EP300: variants seen among roughly 807,000 people sequenced by gnomAD.
EP300 encodes the protein EP300 lysine acetyltransferase.
In EP300, 31 loss-of-function variants were observed where a neutral mutation model predicts 264.0. That is an observed-to-expected ratio of 0.12 (90% confidence interval 0.09 to 0.16). The LOEUF (loss-of-function observed/expected upper bound fraction) is 0.16. Ranked by LOEUF, EP300 falls within the 10% of genes least tolerant of loss-of-function variation. EP300 has a pLI of 1.00. For synonymous variants in EP300, 1,340 were observed against 1,045.4 expected, an observed-to-expected ratio of 1.28 and a Z score of -5.44; for missense variants, 2,766 against 3,052.9, an observed-to-expected ratio of 0.91 and a Z score of 2.21.
intron 8 of EP300, among the ~76,000 whole-genome samples, chr22:41,138,684 C>G (rs907286705): frequency 9.2e-5 from 14 of 152,140 alleles, no homozygotes; most frequent in African/African-American, 3.4e-4. Context: ...AAAGGTAGAG[C>G]TTGGACCTTG....
rs190744666 is a variant in EP300, at chr22:41,131,920, G to A, written c.1528+287G>A. 2.2e-4 allele frequency among the ~76,000 whole-genome samples: 34 copies of A among 151,884 alleles called. No individual in the cohort carries two copies. In the East Asian group the frequency reaches 4.7e-3, roughly 21 times the overall value. ...TTGATTAATACTGTGTAGACGGGCC[G>A]GGCATGGTGGCTAACACCTGTAATC... On this transcript the variant is annotated intron_variant, in intron 6 of 30. Coordinates refer to ENST00000263253, the MANE Select transcript of EP300 (RefSeq NM_001429.4).
chr22:41,148,825 G>A (rs915061864), intron 12 of EP300: 1 of 610,546 alleles, frequency 1.6e-6, no homozygotes, highest in African/African-American at 1.9e-5. Context: ...GTAGGCCTAG[G>A]TAAACTGTGA....
At chr22:41,102,878 GAC>G (rs1405878178) in intron 1 of EP300, among the ~76,000 whole-genome samples, 1 of 152,062 alleles carries the variant, frequency 6.6e-6, no homozygotes, top group East Asian at 1.9e-4. Flanking sequence ...TTTATTTTGA[GAC>G]AATCTCTGAC....
At chr22:41,146,956 A>C in intron 11 of EP300, 140 bp downstream of exon 11, 1 of 770,042 alleles carries the variant, frequency 1.3e-6, no homozygotes, top group Non-Finnish European at 2.2e-6. Flanking sequence ...GGTGAAGAGC[A>C]GGTTGGCTGG....
At chr22:41,147,811 A>G in intron 11 of EP300, 26 bp from the exon 12 acceptor site, 1 of 1,426,804 alleles carries the variant, frequency 7.0e-7, no homozygotes, top group Non-Finnish European at 9.9e-7. Context: ...AGGCATTCAG[A>G]TCTAACATTT....
intron 22 of EP300, among the ~76,000 whole-genome samples, chr22:41,164,643 A>AG (rs2059125208): frequency 6.6e-6 from 1 of 152,180 alleles, no homozygotes; most frequent in Non-Finnish European, 1.5e-5. Context: ...TGAACCTGTG[A>AG]GGGGGAGGTT....
chr22:41,140,933 T>C (rs1373126277), intron 9 of EP300, 115 bp from the exon 10 acceptor site: 2 of 1,031,834 alleles, frequency 1.9e-6, no homozygotes, highest in Admixed American at 2.4e-5. Context: ...TGGCACCAGT[T>C]CTTAATGCAG....
intron 29 of EP300, among the ~76,000 whole-genome samples, chr22:41,175,381 T>TCCCC (rs2059194598): frequency 6.6e-6 from 1 of 152,252 alleles, no homozygotes; most frequent in African/African-American, 2.4e-5. Flanking sequence ...ATTTTATTAC[T>TCCCC]TTAATAGGTG....
At chr22:41,150,577 C>T (rs1251890938) in intron 14 of EP300, among the ~76,000 whole-genome samples, 3 of 151,852 alleles carry the variant, frequency 2.0e-5, no homozygotes, top group African/African-American at 7.3e-5. Context: ...GCCATAAAAC[C>T]TAGAGATTGA....
At chr22:41,126,900 A>G (rs993422664) in intron 3 of EP300, among the ~76,000 whole-genome samples, 5 of 151,486 alleles carry the variant, frequency 3.3e-5, no homozygotes, top group African/African-American at 1.2e-4. Flanking sequence ...ATGTGCCATC[A>G]TGCCCGGCTA....
chr22:41,141,617 C>T (rs1446771599), intron 10 of EP300, among the ~76,000 whole-genome samples: 1 of 152,044 alleles, frequency 6.6e-6, no homozygotes, highest in African/African-American at 2.4e-5. Flanking sequence ...TATCATATTA[C>T]ACTGTCACAC....
chr22:41,144,245 AG>A (rs2058998536), intron 10 of EP300, among the ~76,000 whole-genome samples: 1 of 152,154 alleles, frequency 6.6e-6, no homozygotes, highest in Non-Finnish European at 1.5e-5. Flanking sequence ...TGTGTGATAA[AG>A]GGTTTTTGAT....
intron 1 of EP300, among the ~76,000 whole-genome samples, chr22:41,096,300 A>C (rs529158351): frequency 1.6e-4 from 24 of 152,166 alleles, no homozygotes; most frequent in Non-Finnish European, 3.1e-4. Flanking sequence ...GGAAATGATG[A>C]GGGTCATCTG....
intron 1 of EP300, among the ~76,000 whole-genome samples, chr22:41,115,344 CCA>C (rs1311486569): frequency 6.6e-6 from 1 of 152,164 alleles, no homozygotes; most frequent in African/African-American, 2.4e-5. Context: ...CAATCACCCT[CCA>C]CCCACAACAA....
chr22:41,163,201 C>T (rs1447599393), intron 21 of EP300, among the ~76,000 whole-genome samples: 3 of 151,210 alleles, frequency 2.0e-5, no homozygotes, highest in Admixed American at 2.0e-4. Context: ...TTTGGGAGGC[C>T]GAGGCGGGCA....
At chr22:41,142,835 G>A (rs1038349999) in intron 10 of EP300, among the ~76,000 whole-genome samples, 5 of 152,064 alleles carry the variant, frequency 3.3e-5, no homozygotes, top group African/African-American at 9.7e-5. Flanking sequence ...GCAGTGAGCC[G>A]AGATTGTGCC....
At chr22:41,133,449 C>T (rs2058932285) in intron 6 of EP300, among the ~76,000 whole-genome samples, 1 of 151,842 alleles carries the variant, frequency 6.6e-6, no homozygotes, top group East Asian at 1.9e-4. Flanking sequence ...CTGTGCCTGA[C>T]CCTCTAAGAT....
At chr22:41,139,680 A>AC (rs2058970869) in intron 8 of EP300, among the ~76,000 whole-genome samples, 1 of 152,202 alleles carries the variant, frequency 6.6e-6, no homozygotes, top group East Asian at 1.9e-4. Context: ...TGGTCTGTCC[A>AC]CTTCAGGTTT....
intron 28 of EP300, 46 bp downstream of exon 28, chr22:41,172,709 A>G: frequency 6.3e-7 from 1 of 1,584,108 alleles, no homozygotes; most frequent in Non-Finnish European, 8.6e-7. Flanking sequence ...TGATTCTAAT[A>G]TTTAATCCAG....
Sources: gnomAD v4.1 joint callset for allele counts (sites outside exome capture counted in the v4.1 genomes callset) on GRCh38, gnomAD v4.1.1 for gene constraint, MANE v1.5 for transcripts, NCBI Gene and HGNC (gene_info 2026-07-23, HGNC 2026-07-21) for gene names.